Variants in GNPTAB observed in about 807,000 individuals in gnomAD.
GNPTAB encodes the protein N-acetylglucosamine-1-phosphate transferase subunits alpha and beta.
In GNPTAB, 92 loss-of-function variants were observed where a neutral mutation model predicts 136.6. That is an observed-to-expected ratio of 0.67 (90% confidence interval 0.57 to 0.80). The LOEUF (loss-of-function observed/expected upper bound fraction) is 0.80. Among genes scored for constraint, GNPTAB ranks in the 30% least tolerant of loss-of-function variants. The pLI, the probability that GNPTAB is intolerant of heterozygous loss-of-function variation, is 0.00. For missense variants in GNPTAB, 1,343 were observed against 1,501.8 expected, an observed-to-expected ratio of 0.89 and a Z score of 1.75; for synonymous variants, 512 against 535.1, an observed-to-expected ratio of 0.96 and a Z score of 0.60.
chr12:101,824,627 C>T (rs1200984839), intron 1 of GNPTAB, among the ~76,000 whole-genome samples: 1 of 151,000 alleles, frequency 6.6e-6, no homozygotes, highest in Non-Finnish European at 1.5e-5. Context: ...CCACCACGCC[C>T]AGTTAATTTT....
intron 15 of GNPTAB, 146 bp from the exon 16 acceptor site, chr12:101,760,289 G>A (rs1392641709): frequency 2.5e-5 from 16 of 649,324 alleles, no homozygotes; most frequent in South Asian, 1.1e-4. Context: ...TAAGATAAAG[G>A]CACTCTAAGA....
chr12:101,766,323 T>C, intron 11 of GNPTAB, 29 bp from the exon 12 acceptor site: 1 of 1,583,196 alleles, frequency 6.3e-7, no homozygotes, highest in Non-Finnish European at 8.7e-7. Context: ...AGAGGGATTC[T>C]TGCTGTAATT....
intron 1 of GNPTAB, among the ~76,000 whole-genome samples, chr12:101,801,231 CAAAAAAAAAA>C (rs35036983): frequency 7.8e-4 from 10 of 12,752 alleles, no homozygotes; most frequent in Non-Finnish European, 1.1e-3. Context: ...GACCCTGTCT[CAAAAAAAAAA>C]AAAAAAAAAA....
At chr12:101,797,414 C>T (rs986720768) in intron 1 of GNPTAB, among the ~76,000 whole-genome samples, 4 of 152,078 alleles carry the variant, frequency 2.6e-5, no homozygotes, top group Non-Finnish European at 4.4e-5. Context: ...TCCCTGAGCT[C>T]AGGAGTTCGA....
At chr12:101,816,202 C>T (rs1870503956) in intron 1 of GNPTAB, among the ~76,000 whole-genome samples, 1 of 152,196 alleles carries the variant, frequency 6.6e-6, no homozygotes, top group East Asian at 1.9e-4. Context: ...GGGATTACAT[C>T]AATCTAAAAA....
At chr12:101,772,890 C>A (rs1270966899) in intron 7 of GNPTAB, among the ~76,000 whole-genome samples, 1 of 152,180 alleles carries the variant, frequency 6.6e-6, no homozygotes, top group Non-Finnish European at 1.5e-5. Flanking sequence ...GATCTCGGCT[C>A]ACTGCAACCT....
At chr12:101,786,339 A>G (rs1275011278) in intron 4 of GNPTAB, 122 bp from the exon 5 acceptor site, 12 of 805,752 alleles carry the variant, frequency 1.5e-5, no homozygotes, top group Non-Finnish European at 2.5e-5. Context: ...ATAATATTTT[A>G]ACAAATGAAG....
Position 101,815,758 on chromosome 12 carries a change from A to G in GNPTAB, c.117+14801T>C, listed in dbSNP as rs116225896. Reference sequence around the variant, plus strand: ...AAAGCAATCCTGAAAGACTGCAAAAAGAACTAAGCTTGAGGCATCACACTA... The same window carrying G: ...AAAGCAATCCTGAAAGACTGCAAAAGGAACTAAGCTTGAGGCATCACACTA... On this transcript the variant is annotated intron_variant, in intron 1 of 20. Coordinates refer to ENST00000299314, the MANE Select transcript of GNPTAB (RefSeq NM_024312.5). Among the ~76,000 whole-genome samples, 305 of 152,372 alleles carry G rather than the reference A, an allele frequency of 2.0e-3. 1 individual carries two copies. The highest frequency in any genetic ancestry group is 7.1e-3 in the African/African-American group (295 of 41,588).
chr12:101,749,448 C>A (rs1952784177), intron 19 of GNPTAB, among the ~76,000 whole-genome samples: 1 of 152,114 alleles, frequency 6.6e-6, no homozygotes, highest in Non-Finnish European at 1.5e-5. Flanking sequence ...TTACTTCTGG[C>A]ACTTAAACAA....
At chr12:101,782,687 C>T (rs1258379736) in intron 5 of GNPTAB, among the ~76,000 whole-genome samples, 2 of 152,200 alleles carry the variant, frequency 1.3e-5, no homozygotes, top group Admixed American at 6.5e-5. Flanking sequence ...TCATCCTACT[C>T]CAAGTTAAAG....
intron 7 of GNPTAB, among the ~76,000 whole-genome samples, chr12:101,771,589 A>G (rs1953177813): frequency 6.6e-6 from 1 of 151,770 alleles, no homozygotes; most frequent in African/African-American, 2.4e-5. Context: ...AACACAACAA[A>G]AAGACCTACA....
Position 101,765,268 on chromosome 12 carries a change from G to A in GNPTAB, c.1649C>T (p.Pro550Leu), listed in dbSNP as rs1269494491. 1 of 1,613,260 alleles carries A rather than the reference G, an allele frequency of 6.2e-7. No individual in the cohort carries two copies. The highest frequency in any genetic ancestry group is 8.5e-7 in the Non-Finnish European group (1 of 1,179,282). ...FHELYKVILL[P>L]NQTHYIIPKG... Reference sequence around the variant, plus strand: ...TGGAATAATATAGTGAGTCTGGTTTGGGAGAAGGATCACTTTATACAATTC... The same window carrying A: ...TGGAATAATATAGTGAGTCTGGTTTAGGAGAAGGATCACTTTATACAATTC... Residue 550 changes from proline to leucine, a missense_variant, in exon 13 of 21, where the codon CCA (proline) becomes CTA (leucine). Pro to Leu is a moderately conservative substitution (Grantham distance 98, BLOSUM62 -3). Coordinates refer to ENST00000299314, the MANE Select transcript of GNPTAB (RefSeq NM_024312.5).
At chr12:101,828,524 T>C in intron 1 of GNPTAB, among the ~76,000 whole-genome samples, 1 of 152,100 alleles carries the variant, frequency 6.6e-6, no homozygotes, top group East Asian at 1.9e-4. Flanking sequence ...CCAGGTGTGG[T>C]GGCACGCACC....
intron 1 of GNPTAB, among the ~76,000 whole-genome samples, chr12:101,798,131 C>G (rs1210107130): frequency 2.0e-5 from 3 of 152,206 alleles, no homozygotes; most frequent in Non-Finnish European, 2.9e-5. Context: ...CCAAGGCCCC[C>G]ACATTGTCAA....
intron 20 of GNPTAB, 82 bp from the exon 21 acceptor site, chr12:101,747,323 T>A: frequency 1.3e-6 from 1 of 780,004 alleles, no homozygotes; most frequent in Non-Finnish European, 2.3e-6. Context: ...CTAAGAGCCA[T>A]ATGACCTTAA....
chr12:101,823,745 T>C (rs1870934328), intron 1 of GNPTAB, among the ~76,000 whole-genome samples: 1 of 151,718 alleles, frequency 6.6e-6, no homozygotes, highest in Non-Finnish European at 1.5e-5. Context: ...AAGTTAAAGG[T>C]ATATATTTGA....
chr12:101,802,647 G>C lies in GNPTAB; in HGVS notation c.118-5885C>G, dbSNP rs575286000. 6.6e-5 allele frequency among the ~76,000 whole-genome samples: 10 copies of C among 152,272 alleles called. No homozygotes were observed. The South Asian group carries it at 2.1e-3, about 32-fold the overall frequency. On this transcript the variant is annotated intron_variant, in intron 1 of 20. Transcript: ENST00000299314. ...AGACTGGAAAAACCTCCAGGCCTGTGCCCAAGAAAGAACCTAATGTACAAC... is the reference window on the plus strand; with the variant it reads ...AGACTGGAAAAACCTCCAGGCCTGTCCCCAAGAAAGAACCTAATGTACAAC...
intron 18 of GNPTAB, among the ~76,000 whole-genome samples, chr12:101,755,307 A>G (rs964816504): frequency 5.3e-5 from 8 of 152,198 alleles, no homozygotes; most frequent in African/African-American, 1.9e-4. Context: ...GTTGTAGCCT[A>G]CACTTCTGAA....
chr12:101,771,048 T>C lies in GNPTAB; in HGVS notation c.881A>G (p.Glu294Gly). ...TKKNMTIDGKELTISPAYLLW... is the reference protein window; with the variant it reads ...TKKNMTIDGKGLTISPAYLLW... ...TAAATATGCAGGACTTATGGTCAGTTCTTTTCCATCAATGGTCATGTTCTT... is the reference window on the plus strand; with the variant it reads ...TAAATATGCAGGACTTATGGTCAGTCCTTTTCCATCAATGGTCATGTTCTT... The change falls in exon 8 of 21, where the codon GAA becomes GGA. Residue 294 changes from glutamate (E) to glycine (G), a missense_variant. By Grantham distance (98) the Glu-to-Gly change is moderately conservative. Coordinates refer to ENST00000299314, the MANE Select transcript of GNPTAB (RefSeq NM_024312.5). The C allele has an allele frequency of 6.2e-7, 1 of 1,614,140 alleles. No individual in the cohort carries two copies. The highest frequency in any genetic ancestry group is 8.5e-7 in the Non-Finnish European group (1 of 1,179,954).
Sources: gnomAD v4.1 joint callset for allele counts (sites outside exome capture counted in the v4.1 genomes callset) on GRCh38, gnomAD v4.1.1 for gene constraint, MANE v1.5 for transcripts, NCBI Gene and HGNC (gene_info 2026-07-23, HGNC 2026-07-21) for gene names.